ALDOB: variants seen among roughly 807,000 people sequenced by gnomAD.
ALDOB encodes aldolase, fructose-bisphosphate B.
In ALDOB, 39 loss-of-function variants were observed where a neutral mutation model predicts 41.0. The observed-to-expected ratio is 0.95, with a 90% CI of 0.74 to 1.24. The LOEUF (loss-of-function observed/expected upper bound fraction) is 1.24. Ranked by LOEUF, ALDOB falls within the 50% of genes most tolerant of loss-of-function variation. The pLI, the probability that ALDOB is intolerant of heterozygous loss-of-function variation, is 0.00. For synonymous variants in ALDOB, 175 were observed against 168.8 expected, an observed-to-expected ratio of 1.04 and a Z score of -0.28; for missense variants, 530 against 457.3, an observed-to-expected ratio of 1.16 and a Z score of -1.45.
intron 8 of ALDOB, among the ~76,000 whole-genome samples, chr9:101,424,236 G>A (rs544724902): frequency 1.3e-5 from 2 of 152,212 alleles, no homozygotes; most frequent in East Asian, 1.9e-4. Context: ...TGGCCAACAT[G>A]GTGAAACCCC....
At chr9:101,426,700 A>G in intron 5 of ALDOB, 62 bp from the exon 6 acceptor site, 1 of 1,031,970 alleles carries the variant, frequency 9.7e-7, no homozygotes, top group Non-Finnish European at 1.5e-6. Flanking sequence ...TTTCCTTAGG[A>G]GGAGATTCAA....
chr9:101,427,079 T>G (rs2118352804), intron 5 of ALDOB, among the ~76,000 whole-genome samples: 1 of 152,286 alleles, frequency 6.6e-6, no homozygotes, highest in East Asian at 1.9e-4. Flanking sequence ...TAGCATCTGG[T>G]CACCATCCTC....
At position 101,425,000 on chromosome 9, in the gene ALDOB, G is replaced by A; in HGVS notation, c.842C>T (p.Thr281Ile). 1 of 1,614,212 alleles carries A rather than the reference G, an allele frequency of 6.2e-7. No homozygotes were observed. Among genetic ancestry groups the A allele is most frequent in the Non-Finnish European group, 8.5e-7 (1 of 1,180,034 alleles). ...LSGGMSEEDATLNLNAINLCP... is the reference protein window; with the variant it reads ...LSGGMSEEDAILNLNAINLCP... ...AAGGTTGATAGCATTGAGGTTGAGAGTGGCATCCTCTTCACTCATGCCACC... is the reference window on the plus strand; with the variant it reads ...AAGGTTGATAGCATTGAGGTTGAGAATGGCATCCTCTTCACTCATGCCACC... The change falls in exon 8 of 9, where the codon ACT becomes ATT. Residue 281 changes from threonine to isoleucine, a missense_variant. Transcript: ENST00000647789.
At position 101,429,730 on chromosome 9, in the gene ALDOB, G is replaced by A. The variant is rs1184780424; in HGVS notation, c.324+25C>T. ...GGAGTTTGCCTAGGACAAAGCAGAA[G>A]TGAGGTGTGAATGGAGGTGTTCACC... On this transcript the variant is annotated intron_variant, in intron 3 of 8. Coordinates refer to ENST00000647789, the MANE Select transcript of ALDOB (RefSeq NM_000035.4). The A allele has an allele frequency of 3.1e-6, 5 of 1,608,572 alleles. No individual in the cohort carries two copies. The South Asian group carries it at 4.4e-5, about 14-fold the overall frequency.
In ALDOB at chr9:101,434,844, A is replaced by C. The variant is rs1831269664; in HGVS notation, c.-11+865T>G. Among the ~76,000 whole-genome samples the C allele has an allele frequency of 4.6e-5, 7 of 152,208 alleles. No individual in the cohort carries two copies. The South Asian group carries it at 1.4e-3, about 31-fold the overall frequency. The stretch of plus-strand genomic sequence containing the variant: ...TCTAACCTGGGCCTGGGTGCTACCC[A>C]GATGTGCCTTAGCTAAAGTGATGAA... On this transcript the variant is annotated intron_variant, in intron 1 of 8. Coordinates refer to ENST00000647789, the MANE Select transcript of ALDOB (RefSeq NM_000035.4).
intron 1 of ALDOB, among the ~76,000 whole-genome samples, chr9:101,434,150 A>C (rs1401207993): frequency 6.6e-6 from 1 of 152,202 alleles, no homozygotes; most frequent in Non-Finnish European, 1.5e-5. Flanking sequence ...ATCTGGAGGA[A>C]AGTTGTATTA....
chr9:101,427,212 T>C (rs1459886789), intron 5 of ALDOB, among the ~76,000 whole-genome samples: 2 of 152,106 alleles, frequency 1.3e-5, no homozygotes, highest in Non-Finnish European at 2.9e-5. Context: ...AAAAGCCCGA[T>C]CACTTATAAG....
At chr9:101,427,762 G>C (rs1831153533) in intron 4 of ALDOB, 120 bp from the exon 5 acceptor site, 5 of 1,217,152 alleles carry the variant, frequency 4.1e-6, no homozygotes, top group Non-Finnish European at 4.7e-6. Flanking sequence ...CTTGAGGATT[G>C]AAAACAGCCA....
chr9:101,432,670 G>C (rs763888938), intron 1 of ALDOB, among the ~76,000 whole-genome samples: 8 of 152,148 alleles, frequency 5.3e-5, no homozygotes, highest in Admixed American at 1.3e-4. Context: ...AATCCCAGAA[G>C]GTGGTTGGGC....
At chr9:101,431,009 G>T in intron 1 of ALDOB, 112 bp from the exon 2 acceptor site, 1 of 755,228 alleles carries the variant, frequency 1.3e-6, no homozygotes. Context: ...TGACACCTCT[G>T]ACCCATTTCC....
intron 5 of ALDOB, 146 bp downstream of exon 5, chr9:101,427,336 G>C (rs1279332890): frequency 2.0e-6 from 2 of 1,021,052 alleles, no homozygotes; most frequent in African/African-American, 3.2e-5. Flanking sequence ...ACCACAGTTG[G>C]CTATAGCAAA....
chr9:101,426,781 T>G lies in ALDOB; in HGVS notation c.541-143A>C, dbSNP rs528305537. 1.6e-4 allele frequency: 107 copies of G among 654,712 alleles called. 1 individual carries two copies. The African/African-American group carries it at 1.9e-3, about 11-fold the overall frequency. 40.6% of individuals were successfully genotyped at this position (654,712 alleles called of 1,614,324 possible). On this transcript the variant is annotated intron_variant, in intron 5 of 8. Transcript: ENST00000647789. ...ATAGATGACTTAAAGACAGTAGAAT[T>G]TTTCAGAATGAGATAAAAAATAAAT...
rs576858555 is a variant in ALDOB, at chr9:101,426,279, G to T, written c.624+276C>A. Among the ~76,000 whole-genome samples, 130 of 152,258 alleles carry T rather than the reference G, an allele frequency of 8.5e-4. 1 individual carries two copies. Among genetic ancestry groups the T allele is most frequent in the African/African-American group, 3.1e-3 (128 of 41,556 alleles). ...TTCTTTGTGTACATGTAATTGAATT[G>T]AAGTCAAAAGAGATAATATGACTTG... On this transcript the variant is annotated intron_variant, in intron 6 of 8. Transcript: ENST00000647789.
chr9:101,426,165 A>T (rs1304528363), intron 6 of ALDOB, among the ~76,000 whole-genome samples: 1 of 152,208 alleles, frequency 6.6e-6, no homozygotes, highest in African/African-American at 2.4e-5. Context: ...CCTCTTTCAG[A>T]TCCACTGTGG....
chr9:101,434,949 T>C (rs1461041183), intron 1 of ALDOB, among the ~76,000 whole-genome samples: 3 of 152,194 alleles, frequency 2.0e-5, no homozygotes, highest in Non-Finnish European at 2.9e-5. Flanking sequence ...AGAGAAGTTA[T>C]TTTTTAAAAA....
chr9:101,428,773 A>G (rs1375142941), intron 3 of ALDOB, among the ~76,000 whole-genome samples: 1 of 152,212 alleles, frequency 6.6e-6, no homozygotes, highest in Non-Finnish European at 1.5e-5. Flanking sequence ...GGTAAAGAGA[A>G]TTAAGGATAC....
intron 1 of ALDOB, among the ~76,000 whole-genome samples, chr9:101,434,662 G>A (rs1588173981): frequency 6.6e-6 from 1 of 152,172 alleles, no homozygotes; most frequent in African/African-American, 2.4e-5. Context: ...ATGATCTAGG[G>A]CAGTCCTAGG....
chr9:101,435,600 T>C (rs1009097912), intron 1 of ALDOB, 109 bp downstream of exon 1: 1 of 152,224 alleles, frequency 6.6e-6, no homozygotes, highest in Non-Finnish European at 1.5e-5. Context: ...CATCAAGTTT[T>C]TCCCGAAAAC....
intron 3 of ALDOB, among the ~76,000 whole-genome samples, 191 bp downstream of exon 3, chr9:101,429,564 G>C (rs1831183779): frequency 6.6e-6 from 1 of 152,134 alleles, no homozygotes; most frequent in African/African-American, 2.4e-5. Flanking sequence ...TAGAAAATTT[G>C]AGTGAAAGAA....
Sources: allele counts gnomAD v4.1 joint callset (sites outside exome capture counted in the v4.1 genomes callset), GRCh38; gene constraint gnomAD v4.1.1; transcripts MANE v1.5; gene names NCBI Gene and HGNC (gene_info 2026-07-23, HGNC 2026-07-21).